Variants in SH2B3 observed in about 807,000 individuals in gnomAD.
SH2B3 encodes SH2B adaptor protein 3.
A neutral mutation model predicts 51.9 loss-of-function variants in SH2B3; 43 were observed. The observed-to-expected ratio is 0.83, with a 90% confidence interval of 0.65 to 1.07. The LOEUF (loss-of-function observed/expected upper bound fraction) is 1.07, where lower values mean the gene tolerates loss of function less well. SH2B3 is among the 50% of genes least tolerant of loss of function. The pLI, the probability that SH2B3 is intolerant of heterozygous loss-of-function variation, is 0.00. For synonymous variants in SH2B3, 396 were observed against 376.0 expected (o/e 1.05, Z -0.62); for missense variants, 952 against 834.3 (o/e 1.14, Z -1.74).
chr12:111,421,320 G>C (rs987498921), intron 2 of SH2B3, among the ~76,000 whole-genome samples: 1 of 148,534 alleles, frequency 6.7e-6, no homozygotes, highest in Non-Finnish European at 1.5e-5. Context: ...TAAATAGGTT[G>C]CCTTTTATTT....
chr12:111,416,675 G>A lies in SH2B3; in HGVS notation c.-27-1444G>A, dbSNP rs372791695. Among the ~76,000 whole-genome samples the A allele has an allele frequency of 2.6e-5, 4 of 151,924 alleles. No homozygotes were observed. In the East Asian group the frequency reaches 7.8e-4, roughly 29 times the overall value. On this transcript the variant is annotated intron_variant, in intron 1 of 7. Coordinates refer to ENST00000341259, the MANE Select transcript of SH2B3 (RefSeq NM_005475.3). ...CAGCCGGCTAATTTTTGTATTTTTA[G>A]TAGAGATGGGGTTTCACCACGTTGG...
In SH2B3 at chr12:111,418,814, G is replaced by A. The variant is rs1046605165; in HGVS notation, c.669G>A (p.Ala223=). 2.8e-6 allele frequency: 4 copies of A among 1,428,880 alleles called. No homozygotes were observed. The highest frequency in any genetic ancestry group is 3.2e-5 in the Admixed American group (1 of 31,048). The allele number at this position is 1,428,880 out of a possible 1,614,324, so 88.5% of individuals were successfully genotyped here. The change falls in exon 2 of 8, where the codon GCG becomes GCA. Residue 223 remains alanine (A), a synonymous_variant. Coordinates refer to ENST00000341259, the MANE Select transcript of SH2B3 (RefSeq NM_005475.3). This position sits in a 1 kb window ranked among gnomAD's most constrained non-coding sequence, Gnocchi z 6.7. ...SGARWQRGRL[A]LRRAPGPDGP... is the part of the protein sequence containing the mutation. ...CACGCTGGCAGCGCGGGAGGCTGGC[G>A]CTGCGCCGGGCCCCGGGCCCCGATG...
Position 111,435,160 on chromosome 12 carries a change from A to T in SH2B3, c.733-11593A>T. On this transcript the variant is annotated intron_variant, in intron 2 of 7. Transcript: ENST00000341259. The surrounding 1 kb of genome is among the most constrained non-coding windows in gnomAD (Gnocchi z 4.8). ...TTGTTTCTTAACCACATCTTTTTCC[A>T]CCCACACCCGGTGCAGAGCAGATGC... 1.4e-6 allele frequency: 1 copy of T among 716,254 alleles called. No homozygotes were observed. Among genetic ancestry groups the T allele is most frequent in the Non-Finnish European group, 2.3e-6 (1 of 442,174 alleles). The allele number at this position is 716,254 out of a possible 1,614,324, so 44.4% of individuals were successfully genotyped here. A position where few individuals can be genotyped will look rare whatever the true frequency, so the allele number is the denominator to read the frequency against.
At chr12:111,447,877 G>C in intron 7 of SH2B3, 50 bp downstream of exon 7, 1 of 1,591,770 alleles carries the variant, frequency 6.3e-7, no homozygotes, top group Non-Finnish European at 8.6e-7. Flanking sequence ...ACTGGGTAGA[G>C]GGTAGAGGCT....
Position 111,447,188 on chromosome 12 carries a change from C to T in SH2B3, c.990C>T (p.Ser330=). ...PSALEPSTSS[S]PRGSTDSLNQ... Reference sequence around the variant, plus strand: ...CCCTAGAGCCTAGCACGTCCAGCTCCCCAAGGGGCAGCACAGATTCCCTTA... The same window carrying T: ...CCCTAGAGCCTAGCACGTCCAGCTCTCCAAGGGGCAGCACAGATTCCCTTA... The change falls in exon 5 of 8, where the codon TCC becomes TCT. Residue 330 remains serine, a synonymous_variant. Coordinates refer to ENST00000341259, the MANE Select transcript of SH2B3 (RefSeq NM_005475.3). 1 of 1,614,008 alleles carries T rather than the reference C, an allele frequency of 6.2e-7. No individual in the cohort carries two copies. Among genetic ancestry groups the T allele is most frequent in the African/African-American group, 1.3e-5 (1 of 75,048 alleles).
rs1347951802 is a variant in SH2B3 at position 111,410,505 on chromosome 12, C to G, written c.-28+4228C>G. On this transcript the variant is annotated intron_variant, in intron 1 of 7. Transcript: ENST00000341259. The surrounding 1 kb of genome is among the most constrained non-coding windows in gnomAD (Gnocchi z 4.9). ...GGATTCTGATGGTGCTGCCTCTCCG[C>G]AGGGAGATGGTTCTTGGCTTTCCCT... 6.6e-6 allele frequency among the ~76,000 whole-genome samples: 1 copy of G among 152,112 alleles called. No individual in the cohort carries two copies. Among genetic ancestry groups the G allele is most frequent in the African/African-American group, 2.4e-5 (1 of 41,422 alleles).
rs955676682 is a variant in SH2B3, at chr12:111,407,666, AC to A, written c.-28+1394del. On this transcript the variant is annotated intron_variant, in intron 1 of 7. Transcript: ENST00000341259. The surrounding 1 kb of genome is among the most constrained non-coding windows in gnomAD (Gnocchi z 4.3). ...CACTTTTCCTGAGCCTTTTCCCACT[AC>A]CCCCTCTGGGAGGGAAAATCCTTCT... 6.6e-6 allele frequency among the ~76,000 whole-genome samples: 1 copy of A among 151,918 alleles called. No individual in the cohort carries two copies. Among genetic ancestry groups the A allele is most frequent in the Non-Finnish European group, 1.5e-5 (1 of 67,986 alleles).
chr12:111,450,594 G>A lies in SH2B3; in HGVS notation c.*2292G>A, dbSNP rs1254799065. ...GCCTCTCTACATACATCTCTCAGGT[G>A]GTGCCAAGAGGCACACCAGGTAGAG... On this transcript the variant is annotated 3_prime_UTR_variant, in exon 8 of 8. Coordinates refer to ENST00000341259, the MANE Select transcript of SH2B3 (RefSeq NM_005475.3). 1 of 152,214 alleles carries A rather than the reference G, an allele frequency of 6.6e-6. No individual in the cohort carries two copies. Among genetic ancestry groups the A allele is most frequent in the Non-Finnish European group, 1.5e-5 (1 of 68,052 alleles). 9.4% of individuals were successfully genotyped at this position (152,214 alleles called of 1,614,324 possible).
chr12:111,439,576 G>A (rs867749690), intron 2 of SH2B3, among the ~76,000 whole-genome samples: 4 of 152,096 alleles, frequency 2.6e-5, no homozygotes, highest in South Asian at 4.2e-4. Flanking sequence ...GAGCCACTGC[G>A]CCCAGCCGGG....
rs111340708 is a variant in SH2B3 at position 111,447,547 on chromosome 12, ATGGGGTGGGGTGGGG to A, written c.1236+14_1236+28del. ...TCAACTTTCAGGGGATAGCCAAGGT[ATGGGGTGGGGTGGGG>A]TGGGGTGGGGCAGGCAGGACCGTGC... On this transcript the variant is annotated splice_donor_5th_base_variant and intron_variant, in intron 6 of 7. Coordinates refer to ENST00000341259, the MANE Select transcript of SH2B3 (RefSeq NM_005475.3). The A allele has an allele frequency of 2.2e-5, 13 of 587,712 alleles. 1 individual carries two copies. The highest frequency in any genetic ancestry group is 2.7e-5 in the Non-Finnish European group (9 of 335,472). 36.4% of individuals were successfully genotyped at this position (587,712 alleles called of 1,614,324 possible).
At chr12:111,434,891 C>T in intron 2 of SH2B3, 3 of 1,535,660 alleles carry the variant, frequency 2.0e-6, no homozygotes, top group Non-Finnish European at 8.7e-7. Context: ...CCGGGTGGAG[C>T]TCAGAAGGAC....
In SH2B3 at chr12:111,448,059, G is replaced by A; in HGVS notation, c.1485G>A (p.Glu495=). The A allele has an allele frequency of 6.2e-7, 1 of 1,614,040 alleles. No homozygotes were observed. Among genetic ancestry groups the A allele is most frequent in the Non-Finnish European group, 8.5e-7 (1 of 1,179,960 alleles). Residue 495 remains glutamate, a synonymous_variant, in exon 8 of 8, where the codon GAG becomes GAA. Transcript: ENST00000341259. ...AGTCCCTTCCTCACTGGGGTTCAGA[G>A]TTGGGCCTTCCCCACCTTAGTTCTT... ...DSESLPHWGS[E]LGLPHLSSSG... is the part of the protein sequence containing the mutation.
At position 111,448,182 on chromosome 12, in the gene SH2B3, C is replaced by T; in HGVS notation, c.1608C>T (p.Ala536=). Residue 536 remains alanine, a synonymous_variant, in exon 8 of 8, where the codon GCC becomes GCT. Coordinates refer to ENST00000341259, the MANE Select transcript of SH2B3 (RefSeq NM_005475.3). ...FHLVPSPEEL[A]NSLQHLEHEP... Reference sequence around the variant, plus strand: ...TGGTGCCTTCGCCCGAAGAACTGGCCAACAGCCTGCAGCACCTGGAGCATG... The same window carrying T: ...TGGTGCCTTCGCCCGAAGAACTGGCTAACAGCCTGCAGCACCTGGAGCATG... The T allele has an allele frequency of 6.2e-7, 1 of 1,614,098 alleles. No individual in the cohort carries two copies. The highest frequency in any genetic ancestry group is 8.5e-7 in the Non-Finnish European group (1 of 1,179,984).
At chr12:111,413,131 C>T (rs958172689) in intron 1 of SH2B3, among the ~76,000 whole-genome samples, 4 of 152,280 alleles carry the variant, frequency 2.6e-5, no homozygotes, top group Non-Finnish European at 2.9e-5. Context: ...GCTATGGGGC[C>T]GCTCTGTTTC....
rs1874309140 is a variant in SH2B3, at chr12:111,448,665, G to C, written c.*363G>C. The C allele has an allele frequency of 4.4e-6, 1 of 226,018 alleles. No individual in the cohort carries two copies. 14.0% of individuals were successfully genotyped at this position (226,018 alleles called of 1,614,324 possible). A position where few individuals can be genotyped will look rare whatever the true frequency, so the allele number is the denominator to read the frequency against. On this transcript the variant is annotated 3_prime_UTR_variant, in exon 8 of 8. Transcript: ENST00000341259. The stretch of plus-strand genomic sequence containing the variant: ...CTTTTTCACTGACACTGTCACAGCG[G>C]ATGACAGACTTTCTACGGGGAGGAG...
chr12:111,434,936 G>A, intron 2 of SH2B3: 1 of 1,535,502 alleles, frequency 6.5e-7, no homozygotes, highest in Non-Finnish European at 8.7e-7. Flanking sequence ...GGCTGGAGGA[G>A]GACCTGGCCT....
At position 111,451,463 on chromosome 12, in the gene SH2B3, CAT is replaced by C. The variant is rs1874583748; in HGVS notation, c.*3163_*3164del. On this transcript the variant is annotated 3_prime_UTR_variant, in exon 8 of 8. Coordinates refer to ENST00000341259, the MANE Select transcript of SH2B3 (RefSeq NM_005475.3). ...TAGAATATACAGCACATTGTGATAA[CAT>C]AAAGTGGATTCATCTTGTATCATTA... 6.6e-6 allele frequency: 1 copy of C among 152,642 alleles called. No homozygotes were observed. The highest frequency in any genetic ancestry group is 2.1e-4 in the South Asian group (1 of 4,834). The allele number at this position is 152,642 out of a possible 1,614,324, so 9.5% of individuals were successfully genotyped here.
chr12:111,417,518 G>C (rs1382074904), intron 1 of SH2B3, among the ~76,000 whole-genome samples: 1 of 138,466 alleles, frequency 7.2e-6, no homozygotes, highest in Non-Finnish European at 1.6e-5. Context: ...TCTGTTGCCT[G>C]GGCTGGCGTT....
At chr12:111,447,609 A>G (rs1437084884) in intron 6 of SH2B3, 47 bp from the exon 7 acceptor site, 16 of 1,608,934 alleles carry the variant, frequency 9.9e-6, no homozygotes, top group Admixed American at 5.0e-5. Flanking sequence ...ACTGGAGTTC[A>G]GGGTCCTAGA....
Sources: gnomAD v4.1 joint callset for allele counts (sites outside exome capture counted in the v4.1 genomes callset) on GRCh38, gnomAD v4.1.1 for gene constraint, Gnocchi (gnomAD v3.1) non-coding constraint, MANE v1.5 for transcripts, NCBI Gene and HGNC (gene_info 2026-07-23, HGNC 2026-07-21) for gene names.